Variants in DIP2B observed in about 807,000 individuals in gnomAD.
DIP2B encodes disco-interacting protein 2 homolog B.
DIP2B carries 76 observed loss-of-function variants against 198.0 expected under a neutral mutation model. The observed-to-expected ratio is 0.38, with a 90% confidence interval of 0.32 to 0.46. The LOEUF (loss-of-function observed/expected upper bound fraction) is 0.46, where lower values mean the gene tolerates loss of function less well. DIP2B is among the 20% of genes least tolerant of loss of function. DIP2B has a pLI of 0.99. For missense variants in DIP2B, 1,559 were observed against 1,978.4 expected (o/e 0.79, Z 4.02); for synonymous variants, 701 against 739.1 (o/e 0.95, Z 0.84).
Position 50,678,807 on chromosome 12 carries a change from A to G in DIP2B, c.1045A>G (p.Thr349Ala), listed in dbSNP as rs765000254. Reference protein sequence around the residue: ...LESALQRWGTTQAKCSCLTAL... With the variant: ...LESALQRWGTAQAKCSCLTAL... ...ATCTGCCCTGCAGCGCTGGGGTACC[A>G]CTCAAGCAAAATGCTCCTGTCTGAC... The change falls in exon 8 of 38, where the codon ACT becomes GCT. Residue 349 changes from threonine to alanine, a missense_variant. Thr to Ala is a moderately conservative substitution (Grantham distance 58). Coordinates refer to ENST00000301180, the MANE Select transcript of DIP2B (RefSeq NM_173602.3). 1 of 1,614,148 alleles carries G rather than the reference A, an allele frequency of 6.2e-7. No homozygotes were observed. Among genetic ancestry groups the G allele is most frequent in the East Asian group, 2.2e-5 (1 of 44,876 alleles).
chr12:50,527,413 G>A (rs1958176586), intron 1 of DIP2B, among the ~76,000 whole-genome samples: 1 of 152,182 alleles, frequency 6.6e-6, no homozygotes, highest in Admixed American at 6.5e-5. Flanking sequence ...TTGCACATAG[G>A]AAAATAACAA....
At chr12:50,563,412 C>T (rs1958536676) in intron 1 of DIP2B, among the ~76,000 whole-genome samples, 1 of 151,158 alleles carries the variant, frequency 6.6e-6, no homozygotes, top group African/African-American at 2.4e-5. Flanking sequence ...GTCTTGAACT[C>T]ATGGACTCAA....
At chr12:50,691,717 C>T (rs1178680270) in intron 13 of DIP2B, among the ~76,000 whole-genome samples, 6 of 151,852 alleles carry the variant, frequency 4.0e-5, no homozygotes, top group Admixed American at 3.9e-4. Context: ...TATATATATA[C>T]GCACACATAA....
rs190187126 is a variant in DIP2B at position 50,649,526 on chromosome 12, C to G, written c.301+8674C>G. 1.1e-3 allele frequency among the ~76,000 whole-genome samples: 172 copies of G among 152,238 alleles called. 1 individual carries two copies. Among genetic ancestry groups the G allele is most frequent in the Non-Finnish European group, 1.9e-3 (126 of 68,020 alleles). On this transcript the variant is annotated intron_variant, in intron 3 of 37. Transcript: ENST00000301180. Reference sequence around the variant, plus strand: ...AATGACACTAGGACAGCTGGAAAAACATTAATTAGCTCCATATCTCACACC... The same window carrying G: ...AATGACACTAGGACAGCTGGAAAAAGATTAATTAGCTCCATATCTCACACC...
chr12:50,655,542 C>T (rs1295021764), intron 3 of DIP2B, among the ~76,000 whole-genome samples: 2 of 152,202 alleles, frequency 1.3e-5, no homozygotes, highest in Non-Finnish European at 2.9e-5. Context: ...TATATAACCA[C>T]ATCAAAGCAG....
At chr12:50,559,899 G>T (rs917778996) in intron 1 of DIP2B, among the ~76,000 whole-genome samples, 2 of 152,152 alleles carry the variant, frequency 1.3e-5, no homozygotes, top group East Asian at 3.8e-4. Flanking sequence ...CGTTGTTCTT[G>T]TGTGCCTGTG....
chr12:50,612,193 G>T (rs1017864709), intron 1 of DIP2B, among the ~76,000 whole-genome samples: 11 of 152,084 alleles, frequency 7.2e-5, no homozygotes, highest in African/African-American at 2.4e-4. Flanking sequence ...GCTGCAGTGA[G>T]CTGTGATTGC....
intron 12 of DIP2B, among the ~76,000 whole-genome samples, chr12:50,689,975 G>A (rs1431239534): frequency 6.6e-6 from 1 of 152,094 alleles, no homozygotes; most frequent in African/African-American, 2.4e-5. Context: ...CAAAAAATTG[G>A]GGCTGGTCCT....
chr12:50,676,589 T>C, intron 7 of DIP2B, among the ~76,000 whole-genome samples: 1 of 152,244 alleles, frequency 6.6e-6, no homozygotes. Flanking sequence ...GAATCTTACC[T>C]GAAAAAATTG....
chr12:50,545,537 G>A (rs1958369586), intron 1 of DIP2B, among the ~76,000 whole-genome samples: 1 of 151,598 alleles, frequency 6.6e-6, no homozygotes, highest in Non-Finnish European at 1.5e-5. Flanking sequence ...CACCATGCCT[G>A]GCTAATTAAA....
chr12:50,535,952 G>T (rs1593588063), intron 1 of DIP2B, among the ~76,000 whole-genome samples: 1 of 148,588 alleles, frequency 6.7e-6, no homozygotes, highest in East Asian at 2.0e-4. Flanking sequence ...TGGGGTGTTT[G>T]GTTTTTTGTT....
At chr12:50,577,948 T>C (rs1345481883) in intron 1 of DIP2B, among the ~76,000 whole-genome samples, 1 of 152,256 alleles carries the variant, frequency 6.6e-6, no homozygotes, top group Non-Finnish European at 1.5e-5. Context: ...TTAGTTACAA[T>C]GTAGATTATG....
chr12:50,710,775 A>C (rs968096317), intron 22 of DIP2B, among the ~76,000 whole-genome samples: 1 of 152,202 alleles, frequency 6.6e-6, no homozygotes, highest in African/African-American at 2.4e-5. Flanking sequence ...GTAATTCTGA[A>C]TTATCAGCTG....
At chr12:50,692,384 G>A (rs1000302524) in intron 13 of DIP2B, among the ~76,000 whole-genome samples, 9 of 151,348 alleles carry the variant, frequency 5.9e-5, no homozygotes, top group African/African-American at 1.7e-4. Flanking sequence ...TGTATTCTCC[G>A]CATATTTAGG....
chr12:50,630,150 A>G (rs1477683131), intron 2 of DIP2B, among the ~76,000 whole-genome samples: 1 of 151,836 alleles, frequency 6.6e-6, no homozygotes, highest in Admixed American at 6.6e-5. Flanking sequence ...GGGTTTCACC[A>G]TGTTGGCCAG....
intron 1 of DIP2B, among the ~76,000 whole-genome samples, chr12:50,556,123 C>T (rs1958468772): frequency 6.6e-6 from 1 of 152,012 alleles, no homozygotes; most frequent in African/African-American, 2.4e-5. Context: ...GCGCGACGCT[C>T]ACTGTAAGCT....
intron 2 of DIP2B, 34 bp from the exon 3 acceptor site, chr12:50,640,690 A>C: frequency 1.9e-6 from 3 of 1,609,132 alleles, no homozygotes; most frequent in African/African-American, 1.3e-5. Flanking sequence ...TATTACTGTT[A>C]CTGGATAACC....
chr12:50,672,336 T>C (rs945030275), intron 5 of DIP2B, among the ~76,000 whole-genome samples: 2 of 152,216 alleles, frequency 1.3e-5, no homozygotes, highest in African/African-American at 2.4e-5. Context: ...TGACTTGTCT[T>C]GCACGCTTAG....
At chr12:50,579,166 A>G (rs1958691636) in intron 1 of DIP2B, among the ~76,000 whole-genome samples, 1 of 152,176 alleles carries the variant, frequency 6.6e-6, no homozygotes, top group South Asian at 2.1e-4. Context: ...AGAATAAATG[A>G]GAGATAAACT....
Sources: gnomAD v4.1 joint callset for allele counts (sites outside exome capture counted in the v4.1 genomes callset) on GRCh38, gnomAD v4.1.1 for gene constraint, MANE v1.5 for transcripts, NCBI Gene and HGNC (gene_info 2026-07-23, HGNC 2026-07-21) for gene names.